Variants in GAD2 observed in about 807,000 individuals in gnomAD.
GAD2 encodes 65 kDa glutamic acid decarboxylase.
In GAD2, 22 loss-of-function variants were observed where a neutral mutation model predicts 80.1. That is an observed-to-expected ratio of 0.27 (90% confidence interval 0.20 to 0.39). The LOEUF (loss-of-function observed/expected upper bound fraction) is 0.39, where lower values mean the gene tolerates loss of function less well. Among genes scored for constraint, GAD2 ranks in the 10% least tolerant of loss-of-function variants. The pLI, the probability that GAD2 is intolerant of heterozygous loss-of-function variation, is 1.00. For missense variants in GAD2, 624 were observed against 738.4 expected, an observed-to-expected ratio of 0.85 and a Z score of 1.80; for synonymous variants, 274 against 256.9, an observed-to-expected ratio of 1.07 and a Z score of -0.64.
At chr10:26,250,919 G>A (rs1251210179) in intron 8 of GAD2, among the ~76,000 whole-genome samples, 2 of 124,132 alleles carry the variant, frequency 1.6e-5, no homozygotes, top group South Asian at 2.4e-4. Context: ...TTGCTCTGTC[G>A]CCCAGGCTGG....
chr10:26,296,473 C>T lies in GAD2; in HGVS notation c.1584+3482C>T, dbSNP rs529229937. ...CATATCTTCATGAGGGTGGTAAACA[C>T]GAGAATCCAGTCAGTGTGCTTCCTG... On this transcript the variant is annotated intron_variant, in intron 15 of 15. Transcript: ENST00000376261. Among the ~76,000 whole-genome samples, 5 of 152,254 alleles carry T rather than the reference C, an allele frequency of 3.3e-5. No homozygotes were observed. The East Asian group carries it at 5.8e-4, about 18-fold the overall frequency.
chr10:26,257,634 AC>A (rs79108813), intron 8 of GAD2, among the ~76,000 whole-genome samples: 54,045 of 151,998 alleles, frequency 0.36, 10,789 homozygotes, highest in African/African-American at 0.55. Context: ...ATACTTTTAT[AC>A]CTACTACTAG....
intron 15 of GAD2, among the ~76,000 whole-genome samples, chr10:26,300,233 C>G (rs1834314185): frequency 6.6e-6 from 1 of 151,934 alleles, no homozygotes; most frequent in Admixed American, 6.6e-5. Context: ...GCTTTTTGTC[C>G]CAGCTAATTA....
intron 15 of GAD2, among the ~76,000 whole-genome samples, chr10:26,293,938 C>T (rs1305046407): frequency 1.3e-5 from 2 of 152,206 alleles, no homozygotes; most frequent in African/African-American, 2.4e-5. Context: ...CCCAAAATCT[C>T]GCAGAAAGTC....
At chr10:26,227,660 G>T (rs1844545922) in intron 6 of GAD2, among the ~76,000 whole-genome samples, 1 of 152,178 alleles carries the variant, frequency 6.6e-6, no homozygotes, top group Admixed American at 6.5e-5. Context: ...TGGGCATCTG[G>T]TGGGTAGAAA....
chr10:26,227,972 C>G (rs1471318904), intron 6 of GAD2, among the ~76,000 whole-genome samples: 2 of 152,240 alleles, frequency 1.3e-5, no homozygotes, highest in African/African-American at 4.8e-5. Context: ...GCTGGGCAGC[C>G]TGCTTGAATC....
rs8190808 is a variant in GAD2, at chr10:26,303,015, A to G, written c.*2054A>G. ...CCGGAGCCTCAGGCCCAAAGGTTCC[A>G]CTTCAGAGACAGAGATGCTAATTGA... On this transcript the variant is annotated 3_prime_UTR_variant, in exon 16 of 16. Transcript: ENST00000376261. The G allele has an allele frequency of 1.6e-4, 24 of 152,356 alleles. No individual in the cohort carries two copies. The highest frequency in any genetic ancestry group is 5.8e-4 in the African/African-American group (24 of 41,584). The allele number at this position is 152,356 out of a possible 1,614,324, so 9.4% of individuals were successfully genotyped here.
At chr10:26,233,165 G>A (rs564867896) in intron 7 of GAD2, among the ~76,000 whole-genome samples, 27 of 152,324 alleles carry the variant, frequency 1.8e-4, no homozygotes, top group African/African-American at 6.3e-4. Context: ...TAGGTAGGTA[G>A]AGCCAAGATC....
intron 7 of GAD2, among the ~76,000 whole-genome samples, chr10:26,231,873 C>T (rs1208997377): frequency 6.6e-6 from 1 of 152,174 alleles, no homozygotes; most frequent in Non-Finnish European, 1.5e-5. Context: ...TCTACTTCTA[C>T]CACCACATCT....
chr10:26,217,611 G>A lies in GAD2; in HGVS notation c.78G>A (p.Ala26=). 6.2e-7 allele frequency: 1 copy of A among 1,612,550 alleles called. No individual in the cohort carries two copies. The highest frequency in any genetic ancestry group is 8.5e-7 in the Non-Finnish European group (1 of 1,179,348). The part of the protein sequence containing the change: ...GSGDSENPGT[A]RAWCQVAQKF... ...CTGCCTGCCTATTCTTCCTTGCAGC[G>A]CGAGCCTGGTGCCAAGTGGCTCAGA... is the stretch of plus-strand genomic sequence containing the variant. The change falls in exon 2 of 16, where the codon GCG becomes GCA. Residue 26 remains alanine, a splice_region_variant and synonymous_variant. Transcript: ENST00000376261. The surrounding 1 kb of genome is among the most constrained non-coding windows in gnomAD (Gnocchi z 4.9).
intron 10 of GAD2, among the ~76,000 whole-genome samples, chr10:26,272,227 T>G (rs981747214): frequency 2.6e-5 from 4 of 152,096 alleles, no homozygotes; most frequent in Admixed American, 6.5e-5. Context: ...ATTTTACACA[T>G]GAAGACACTG....
chr10:26,281,087 G>A lies in GAD2; in HGVS notation c.1236G>A (p.Glu412=). 1 of 1,607,244 alleles carries A rather than the reference G, an allele frequency of 6.2e-7. No individual in the cohort carries two copies. Among genetic ancestry groups the A allele is most frequent in the Non-Finnish European group, 8.5e-7 (1 of 1,173,930 alleles). The change falls in exon 12 of 16, where the codon GAG becomes GAA. Residue 412 remains glutamate, a splice_region_variant and synonymous_variant. Transcript: ENST00000376261. ...GCTCTGCTCTCCTGGTTAGAGAAGA[G>A]GTATGTCTCTCTTGACTCTGTGTCC... ...LQCSALLVRE[E]GLMQNCNQMH...
intron 8 of GAD2, among the ~76,000 whole-genome samples, chr10:26,255,797 T>G (rs1844936165): frequency 2.0e-5 from 3 of 152,100 alleles, no homozygotes; most frequent in African/African-American, 7.2e-5. Flanking sequence ...GATCTTTCCC[T>G]GAGAAGCTCA....
rs370398665 is a variant in GAD2, at chr10:26,237,825, T to C, written c.840+8048T>C. On this transcript the variant is annotated intron_variant, in intron 7 of 15. Transcript: ENST00000376261. Reference sequence around the variant, plus strand: ...GAGTTTGGGACCAGCCTGGCCAACATGGTGAGACCCCACCTCTACAAAAAA... The same window carrying C: ...GAGTTTGGGACCAGCCTGGCCAACACGGTGAGACCCCACCTCTACAAAAAA... 1.4e-4 allele frequency among the ~76,000 whole-genome samples: 21 copies of C among 152,056 alleles called. 1 individual carries two copies. The East Asian group carries it at 4.1e-3, about 29-fold the overall frequency.
In GAD2 at chr10:26,284,544, A is replaced by G. The variant is rs74610103; in HGVS notation, c.1237-1801A>G. Among the ~76,000 whole-genome samples, 655 of 147,628 alleles carry G rather than the reference A, an allele frequency of 4.4e-3. 2 individuals are homozygous for G. The highest frequency in any genetic ancestry group is 0.016 in the African/African-American group (635 of 39,804). ...CTTTTGCTTGTCATGTTGTACAGTA[A>G]TGAGACTGCGGCTGTTCAGCTTTTT... On this transcript the variant is annotated intron_variant, in intron 12 of 15. Transcript: ENST00000376261.
At chr10:26,269,591 C>T (rs995950259) in intron 9 of GAD2, among the ~76,000 whole-genome samples, 3 of 152,304 alleles carry the variant, frequency 2.0e-5, no homozygotes, top group East Asian at 3.9e-4. Context: ...GCTCTCCAGA[C>T]GTCTTATTTT....
rs369752783 is a variant in GAD2 at position 26,301,162 on chromosome 10, G to T, written c.*201G>T. The T allele has an allele frequency of 7.4e-6, 4 of 542,806 alleles. No individual in the cohort carries two copies. Among genetic ancestry groups the T allele is most frequent in the East Asian group, 3.1e-5 (1 of 32,484 alleles). The allele number at this position is 542,806 out of a possible 1,614,324, so 33.6% of individuals were successfully genotyped here. ...GTTTAGAATACCTCTCTAAGAATTC[G>T]TGACAAAAGGCTATGTTCTAATCAA... On this transcript the variant is annotated 3_prime_UTR_variant, in exon 16 of 16. Transcript: ENST00000376261.
chr10:26,279,196 C>T (rs952435605), intron 11 of GAD2, among the ~76,000 whole-genome samples: 1 of 151,976 alleles, frequency 6.6e-6, no homozygotes, highest in Non-Finnish European at 1.5e-5. Context: ...AGAATCCAAA[C>T]AGGAGCACGG....
chr10:26,294,525 G>A (rs910874659), intron 15 of GAD2, among the ~76,000 whole-genome samples: 1 of 152,184 alleles, frequency 6.6e-6, no homozygotes, highest in Non-Finnish European at 1.5e-5. Flanking sequence ...CCCTGAAAAT[G>A]TAATCAGATT....
Sources: allele counts gnomAD v4.1 joint callset (sites outside exome capture counted in the v4.1 genomes callset), GRCh38; gene constraint gnomAD v4.1.1; non-coding constraint Gnocchi (gnomAD v3.1); transcripts MANE v1.5; gene names NCBI Gene and HGNC (gene_info 2026-07-23, HGNC 2026-07-21).